Variants in FGD6 observed in about 807,000 individuals in gnomAD.
FGD6 encodes FYVE, RhoGEF and PH domain containing 6.
FGD6 carries 90 observed loss-of-function variants against 149.4 expected under a neutral mutation model. The ratio of observed to expected loss-of-function variants is 0.60; its 90% CI spans 0.51 to 0.72. The LOEUF (loss-of-function observed/expected upper bound fraction) is 0.72. FGD6 is among the 30% of genes least tolerant of loss of function. The pLI, the probability that FGD6 is intolerant of heterozygous loss-of-function variation, is 0.00. For synonymous variants in FGD6, 527 were observed against 584.0 expected, an observed-to-expected ratio of 0.90 and a Z score of 1.41; for missense variants, 1,437 against 1,684.8, an observed-to-expected ratio of 0.85 and a Z score of 2.57.
intron 14 of FGD6, among the ~76,000 whole-genome samples, chr12:95,097,942 A>G (rs187677458): frequency 1.3e-5 from 2 of 152,326 alleles, no homozygotes; most frequent in East Asian, 3.9e-4. Context: ...GGCTCTGCAA[A>G]GGTGATGACA....
intron 2 of FGD6, among the ~76,000 whole-genome samples, chr12:95,180,597 C>A (rs923014367): frequency 6.6e-6 from 1 of 151,786 alleles, no homozygotes; most frequent in Non-Finnish European, 1.5e-5. Flanking sequence ...TGGGTTTTGC[C>A]ATGTTGCCAA....
intron 8 of FGD6, among the ~76,000 whole-genome samples, chr12:95,115,956 G>A (rs562452213): frequency 6.6e-4 from 101 of 152,218 alleles, no homozygotes; most frequent in Admixed American, 1.1e-3. Flanking sequence ...GCTTCCCTGC[G>A]CCATGGCATA....
At chr12:95,136,846 A>C (rs1215106571) in intron 7 of FGD6, among the ~76,000 whole-genome samples, 1 of 152,228 alleles carries the variant, frequency 6.6e-6, no homozygotes, top group Non-Finnish European at 1.5e-5. Context: ...TCAGTTTTGC[A>C]AGTTGAAAAG....
intron 2 of FGD6, among the ~76,000 whole-genome samples, chr12:95,195,496 G>A (rs1881713286): frequency 6.6e-6 from 1 of 151,830 alleles, no homozygotes; most frequent in South Asian, 2.1e-4. Context: ...TACACCTGTA[G>A]ACTAAAAACT....
intron 3 of FGD6, among the ~76,000 whole-genome samples, chr12:95,172,038 G>GTGC (rs1555221385): frequency 1.5e-5 from 2 of 136,554 alleles, no homozygotes; most frequent in African/African-American, 2.8e-5. Context: ...AATTCTAAGG[G>GTGC]GGGGGGGGTT....
rs544950544 is a variant in FGD6 at position 95,092,469 on chromosome 12, T to A, written c.3747+230A>T. On this transcript the variant is annotated intron_variant, in intron 16 of 20. Transcript: ENST00000343958. ...GTTTTTGAATCAGTTATTACTGATGTTCTAATGTAACTCTGAAGTAGGAGG... is the reference window on the plus strand; with the variant it reads ...GTTTTTGAATCAGTTATTACTGATGATCTAATGTAACTCTGAAGTAGGAGG... 1.3e-4 allele frequency among the ~76,000 whole-genome samples: 20 copies of A among 152,322 alleles called. No individual in the cohort carries two copies. The Middle Eastern group carries it at 0.014, about 104-fold the overall frequency.
intron 2 of FGD6, among the ~76,000 whole-genome samples, chr12:95,197,789 T>C (rs1222563394): frequency 1.3e-5 from 2 of 152,202 alleles, no homozygotes; most frequent in African/African-American, 2.4e-5. Context: ...GAGACATGCA[T>C]AATCCTTTCC....
chr12:95,144,581 A>C (rs1038759915), intron 5 of FGD6, among the ~76,000 whole-genome samples: 3 of 151,706 alleles, frequency 2.0e-5, no homozygotes, highest in African/African-American at 7.3e-5. Context: ...TAGTAGAGAC[A>C]GGGTTTCTCC....
chr12:95,153,087 T>A, intron 3 of FGD6, 94 bp from the exon 4 acceptor site: 1 of 1,072,660 alleles, frequency 9.3e-7, no homozygotes, highest in Non-Finnish European at 1.4e-6. Flanking sequence ...CTGATACTTG[T>A]AAGTTTCCTC....
chr12:95,175,496 A>G (rs1881109587), intron 2 of FGD6, among the ~76,000 whole-genome samples: 1 of 152,204 alleles, frequency 6.6e-6, no homozygotes, highest in South Asian at 2.1e-4. Context: ...CTGTAATCCC[A>G]GCACTTTGGG....
At chr12:95,198,520 A>T (rs1881785256) in intron 2 of FGD6, among the ~76,000 whole-genome samples, 1 of 152,082 alleles carries the variant, frequency 6.6e-6, no homozygotes, top group South Asian at 2.1e-4. Flanking sequence ...GCTCACTGGA[A>T]GCTCCGCCTC....
chr12:95,102,003 A>C (rs1273876868), intron 14 of FGD6, among the ~76,000 whole-genome samples: 2 of 152,016 alleles, frequency 1.3e-5, no homozygotes, highest in Admixed American at 1.3e-4. Context: ...ACTTTTGTTC[A>C]AACTCCTCTA....
chr12:95,157,501 G>GGTT (rs1232786106), intron 3 of FGD6, among the ~76,000 whole-genome samples: 1 of 146,420 alleles, frequency 6.8e-6, no homozygotes. Context: ...AGGAGGCAGA[G>GGTT]GTTGCAGTGA....
At chr12:95,208,610 C>G (rs1337370629) in intron 2 of FGD6, among the ~76,000 whole-genome samples, 1 of 152,224 alleles carries the variant, frequency 6.6e-6, no homozygotes, top group Non-Finnish European at 1.5e-5. Context: ...TACATTGCCA[C>G]TGGTTCAAAT....
chr12:95,171,667 C>A (rs566939733), intron 3 of FGD6, among the ~76,000 whole-genome samples: 1 of 152,266 alleles, frequency 6.6e-6, no homozygotes, highest in African/African-American at 2.4e-5. Flanking sequence ...AGGTGCCCAC[C>A]ACCATGGTCG....
intron 3 of FGD6, among the ~76,000 whole-genome samples, chr12:95,168,923 T>C (rs545736665): frequency 7.4e-4 from 112 of 152,308 alleles, no homozygotes; most frequent in South Asian, 3.3e-3. Context: ...CTAACAACTA[T>C]GAAAGCAAAT....
At chr12:95,162,926 A>C (rs1469209663) in intron 3 of FGD6, among the ~76,000 whole-genome samples, 4 of 152,062 alleles carry the variant, frequency 2.6e-5, no homozygotes, top group Non-Finnish European at 4.4e-5. Flanking sequence ...TTGCCTCCTT[A>C]CCTCTTGCCC....
intron 3 of FGD6, among the ~76,000 whole-genome samples, chr12:95,161,810 A>T (rs929279381): frequency 6.6e-6 from 1 of 152,176 alleles, no homozygotes; most frequent in African/African-American, 2.4e-5. Flanking sequence ...AAAGTTAATA[A>T]GAAAAAACTG....
intron 18 of FGD6, 21 bp from the exon 19 acceptor site, chr12:95,085,929 A>G (rs1565891659): frequency 6.3e-7 from 1 of 1,590,150 alleles, no homozygotes; most frequent in Non-Finnish European, 8.5e-7. Context: ...AACCCCATAC[A>G]AAGTTTAATG....
Sources: gnomAD v4.1 joint callset for allele counts (sites outside exome capture counted in the v4.1 genomes callset) on GRCh38, gnomAD v4.1.1 for gene constraint, MANE v1.5 for transcripts, NCBI Gene and HGNC (gene_info 2026-07-23, HGNC 2026-07-21) for gene names.